Variants in BCL2L11 observed in about 807,000 individuals in gnomAD.
The protein encoded by BCL2L11 is bcl-2-like protein 11.
BCL2L11 carries 15 observed loss-of-function variants against 20.6 expected under a neutral mutation model. That is an observed-to-expected ratio of 0.73 (90% CI 0.49 to 1.12). The LOEUF (loss-of-function observed/expected upper bound fraction) is 1.12, where lower values mean the gene tolerates loss of function less well. Ranked by LOEUF, BCL2L11 falls within the 50% of genes most tolerant of loss-of-function variation. The probability of loss-of-function intolerance (pLI) is 0.00; values close to 1 mark genes in which losing one functional copy is unlikely to be tolerated. For missense variants in BCL2L11, 292 were observed against 260.9 expected, an observed-to-expected ratio of 1.12 and a Z score of -0.82; for synonymous variants, 108 against 92.8, an observed-to-expected ratio of 1.16 and a Z score of -0.94.
At chr2:111,159,072 C>T (rs556766266) in intron 3 of BCL2L11, among the ~76,000 whole-genome samples, 2 of 152,312 alleles carry the variant, frequency 1.3e-5, no homozygotes, top group South Asian at 2.1e-4. Flanking sequence ...CACTCCAGAA[C>T]CTCTGTGGCC....
chr2:111,131,991 A>G (rs1188415658), intron 2 of BCL2L11: 1 of 152,236 alleles, frequency 6.6e-6, no homozygotes, highest in African/African-American at 2.4e-5. Context: ...AGGGTTAATC[A>G]GAAGTTAACA....
chr2:111,146,369 C>G (rs2076513474), intron 2 of BCL2L11: 1 of 490,656 alleles, frequency 2.0e-6, no homozygotes, highest in Non-Finnish European at 2.7e-6. Context: ...TTCTTATAAA[C>G]TAGAAATGTC....
In BCL2L11 at chr2:111,123,833, C is replaced by A; in HGVS notation, c.88C>A (p.Pro30Thr). Residue 30 changes from proline (P) to threonine (T), a missense_variant, in exon 2 of 4, where the codon CCT becomes ACT. Pro to Thr is a conservative substitution (Grantham distance 38, BLOSUM62 -1). Coordinates refer to ENST00000393256, the MANE Select transcript of BCL2L11 (RefSeq NM_138621.5). ...TGCGGAGAGGCCTCCCCAGCTCAGA[C>A]CTGGGGCCCCTACCTCCCTACAGAC... ...QPAERPPQLRPGAPTSLQTEP... is the reference protein window; with the variant it reads ...QPAERPPQLRTGAPTSLQTEP... The A allele has an allele frequency of 6.4e-7, 1 of 1,553,092 alleles. No homozygotes were observed. The highest frequency in any genetic ancestry group is 8.7e-7 in the Non-Finnish European group (1 of 1,151,816).
intron 2 of BCL2L11, among the ~76,000 whole-genome samples, chr2:111,140,348 T>C (rs537183548): frequency 3.3e-5 from 5 of 152,350 alleles, no homozygotes; most frequent in African/African-American, 1.2e-4. Context: ...TGAAATACCT[T>C]GGGGCCTTTT....
At position 111,166,696 on chromosome 2, in the gene BCL2L11, A is replaced by G. The variant is rs1217488163; in HGVS notation, c.*2465A>G. 1 of 152,658 alleles carries G rather than the reference A, an allele frequency of 6.6e-6. No individual in the cohort carries two copies. The highest frequency in any genetic ancestry group is 2.4e-5 in the African/African-American group (1 of 41,452). 9.5% of individuals were successfully genotyped at this position (152,658 alleles called of 1,614,324 possible). A position where few individuals can be genotyped will look rare whatever the true frequency, so the allele number is the denominator to read the frequency against. Reference sequence around the variant, plus strand: ...GTGACTTAACACAGAAACGCAATAAACACACACAAAATAGTTTCATGAGTG... The same window carrying G: ...GTGACTTAACACAGAAACGCAATAAGCACACACAAAATAGTTTCATGAGTG... On this transcript the variant is annotated 3_prime_UTR_variant, in exon 4 of 4. Transcript: ENST00000393256.
chr2:111,131,452 C>G (rs1559030518), intron 2 of BCL2L11: 1 of 151,874 alleles, frequency 6.6e-6, no homozygotes, highest in Non-Finnish European at 1.5e-5. Flanking sequence ...TGTGATAACC[C>G]CTGCTTCATT....
chr2:111,123,645 A>C lies in BCL2L11; in HGVS notation c.-13-88A>C, dbSNP rs925231300. The C allele has an allele frequency of 1.1e-4, 141 of 1,272,270 alleles. No individual in the cohort carries two copies. In the African/African-American group the frequency reaches 1.9e-3, roughly 17 times the overall value. The allele number at this position is 1,272,270 out of a possible 1,614,324, so 78.8% of individuals were successfully genotyped here. A position where few individuals can be genotyped will look rare whatever the true frequency, so the allele number is the denominator to read the frequency against. ...AAAGTATTTGGGATTAACCCTAAGA[A>C]TTTTTAATCGCTAGGTGAGAGCTAA... On this transcript the variant is annotated intron_variant, in intron 1 of 3. Transcript: ENST00000393256.
At chr2:111,127,217 A>G (rs2072828490) in intron 2 of BCL2L11, among the ~76,000 whole-genome samples, 1 of 152,000 alleles carries the variant, frequency 6.6e-6, no homozygotes, top group African/African-American at 2.4e-5. Flanking sequence ...GCCTTTTTGG[A>G]TGAGTGTTTT....
intron 2 of BCL2L11, among the ~76,000 whole-genome samples, chr2:111,135,950 G>A (rs985363087): frequency 6.6e-6 from 1 of 152,174 alleles, no homozygotes; most frequent in South Asian, 2.1e-4. Flanking sequence ...CTGCCAGGGA[G>A]GGTCTGGGAG....
At chr2:111,155,201 T>G (rs2077681313) in intron 3 of BCL2L11, among the ~76,000 whole-genome samples, 7 of 152,218 alleles carry the variant, frequency 4.6e-5, no homozygotes. Flanking sequence ...TTTTGGAATT[T>G]GTGAGAAAGT....
intron 2 of BCL2L11, among the ~76,000 whole-genome samples, chr2:111,129,336 C>T (rs1323589785): frequency 6.6e-6 from 1 of 152,022 alleles, no homozygotes. Flanking sequence ...CTTTTTAGGT[C>T]CTAAGTGGGG....
intron 2 of BCL2L11, among the ~76,000 whole-genome samples, chr2:111,124,525 T>G (rs2072077439): frequency 1.3e-5 from 2 of 152,096 alleles, no homozygotes; most frequent in South Asian, 4.1e-4. Context: ...CTCCTGACCT[T>G]GTAATCTGCC....
In BCL2L11 at chr2:111,124,054, G is replaced by A. The variant is rs765323682; in HGVS notation, c.309G>A (p.Arg103=). 6.2e-7 allele frequency: 1 copy of A among 1,614,176 alleles called. No homozygotes were observed. The highest frequency in any genetic ancestry group is 1.7e-5 in the Admixed American group (1 of 60,026). The part of the protein sequence containing the change: ...SSGYFSFDTD[R]SPAPMSCDKS... ...GGTATTTCTCTTTTGACACAGACAG[G>A]AGCCCAGCACCCATGAGTTGTGACA... is the stretch of plus-strand genomic sequence containing the variant. Residue 103 remains arginine, a synonymous_variant, in exon 2 of 4, where the codon AGG becomes AGA. Coordinates refer to ENST00000393256, the MANE Select transcript of BCL2L11 (RefSeq NM_138621.5).
chr2:111,122,300 C>G (rs1443751906), intron 1 of BCL2L11, among the ~76,000 whole-genome samples: 2 of 152,188 alleles, frequency 1.3e-5, no homozygotes, highest in African/African-American at 2.4e-5. Flanking sequence ...TGCTTTGTCT[C>G]CAGGTGACTG....
chr2:111,147,683 A>G (rs1350203624), intron 2 of BCL2L11, among the ~76,000 whole-genome samples: 2 of 152,224 alleles, frequency 1.3e-5, no homozygotes, highest in African/African-American at 4.8e-5. Flanking sequence ...TGGTATTTGC[A>G]ATTGCCAGCC....
rs74526002 is a variant in BCL2L11 at position 111,156,161 on chromosome 2, G to A, written c.498+6014G>A. On this transcript the variant is annotated intron_variant, in intron 3 of 3. Coordinates refer to ENST00000393256, the MANE Select transcript of BCL2L11 (RefSeq NM_138621.5). ...GCACAAACTGAACACAAACCCAAAC[G>A]TGTGTTCTCAGCGTACTTTGGAGGT... 1.0e-4 allele frequency among the ~76,000 whole-genome samples: 3 copies of A among 29,010 alleles called. No homozygotes were observed. The East Asian group carries it at 2.9e-3, about 28-fold the overall frequency. 19.0% of individuals were successfully genotyped at this position (29,010 alleles called of 152,430 possible). A position where few individuals can be genotyped will look rare whatever the true frequency, so the allele number is the denominator to read the frequency against.
At position 111,159,359 on chromosome 2, in the gene BCL2L11, G is replaced by T. The variant is rs552718892; in HGVS notation, c.499-4774G>T. Among the ~76,000 whole-genome samples, 4 of 152,310 alleles carry T rather than the reference G, an allele frequency of 2.6e-5. No homozygotes were observed. The South Asian group carries it at 8.3e-4, about 32-fold the overall frequency. ...TAGGGAATGCTACCCTGGCACTCAGGGTTGTTGTGGGGACTGAAAAGCATG... is the reference window on the plus strand; with the variant it reads ...TAGGGAATGCTACCCTGGCACTCAGTGTTGTTGTGGGGACTGAAAAGCATG... On this transcript the variant is annotated intron_variant, in intron 3 of 3. Transcript: ENST00000393256.
rs747289402 is a variant in BCL2L11 at position 111,150,084 on chromosome 2, G to C, written c.435G>C (p.Glu145Asp). Residue 145 changes from glutamate to aspartate, a missense_variant, in exon 3 of 4, where the codon GAG becomes GAC. Physicochemically the swap from Glu to Asp is conservative, Grantham distance 45. Transcript: ENST00000393256. ...RQAEPADMRP[E>D]IWIAQELRRI... The stretch of plus-strand genomic sequence containing the variant: ...CTGAACCTGCAGATATGCGCCCAGA[G>C]ATATGGATCGCCCAAGAGTTGCGGC... The C allele has an allele frequency of 1.2e-5, 19 of 1,613,952 alleles. No homozygotes were observed. The African/African-American group carries it at 2.4e-4, about 20-fold the overall frequency.
chr2:111,130,132 T>C lies in BCL2L11; in HGVS notation c.394+5993T>C, dbSNP rs112161660. ...CTCTTTTTTTTTTTTTTTGTGACAGTCTCACTCTGTCACCCAGGCTGGAGT... is the reference window on the plus strand; with the variant it reads ...CTCTTTTTTTTTTTTTTTGTGACAGCCTCACTCTGTCACCCAGGCTGGAGT... On this transcript the variant is annotated intron_variant, in intron 2 of 3. Transcript: ENST00000393256. The C allele has an allele frequency of 1.4e-3, 529 of 369,508 alleles. 7 individuals are homozygous for C. The highest frequency in any genetic ancestry group is 0.011 in the African/African-American group (483 of 43,904). The allele number at this position is 369,508 out of a possible 1,614,324, so 22.9% of individuals were successfully genotyped here. A position where few individuals can be genotyped will look rare whatever the true frequency, so the allele number is the denominator to read the frequency against.
Sources: allele counts gnomAD v4.1 joint callset (sites outside exome capture counted in the v4.1 genomes callset), GRCh38; gene constraint gnomAD v4.1.1; transcripts MANE v1.5; gene names NCBI Gene and HGNC (gene_info 2026-07-23, HGNC 2026-07-21).